The following SPIRE1 variants were observed in gnomAD, a reference collection of about 807,000 sequenced individuals.
SPIRE1 encodes the protein spire type actin nucleation factor 1, also known as protein spire homolog 1.
In SPIRE1, 40 loss-of-function variants were observed where a neutral mutation model predicts 94.1. The observed-to-expected ratio is 0.43, with a 90% CI of 0.33 to 0.55. SPIRE1 has a LOEUF of 0.55. SPIRE1 is among the 20% of genes least tolerant of loss of function. SPIRE1 has a pLI of 0.06. For missense variants in SPIRE1, 838 were observed against 975.2 expected (o/e 0.86, Z 1.87); for synonymous variants, 376 against 371.7 (o/e 1.01, Z -0.13).
intron 12 of SPIRE1, among the ~76,000 whole-genome samples, chr18:12,462,452 A>T (rs1446884937): frequency 1.3e-5 from 2 of 152,230 alleles, no homozygotes; most frequent in African/African-American, 4.8e-5. Flanking sequence ...GTGGCGCTAC[A>T]AAAGAGTCTT....
At chr18:12,500,180 T>G (rs1253115412) in intron 6 of SPIRE1, among the ~76,000 whole-genome samples, 1 of 152,166 alleles carries the variant, frequency 6.6e-6, no homozygotes, top group Non-Finnish European at 1.5e-5. Context: ...TCAGGTACAA[T>G]GTTCACTATT....
chr18:12,589,078 T>C (rs2036461920), intron 2 of SPIRE1, among the ~76,000 whole-genome samples: 1 of 152,238 alleles, frequency 6.6e-6, no homozygotes, highest in South Asian at 2.1e-4. Context: ...AGCTGACATC[T>C]ACTGAGCTTC....
intron 9 of SPIRE1, among the ~76,000 whole-genome samples, chr18:12,483,098 G>A (rs1460948735): frequency 2.6e-5 from 4 of 151,922 alleles, no homozygotes; most frequent in South Asian, 2.1e-4. Flanking sequence ...GCACCACCAC[G>A]CCTAGCTAAT....
At chr18:12,491,776 G>A (rs1174361816) in intron 8 of SPIRE1, among the ~76,000 whole-genome samples, 2 of 152,176 alleles carry the variant, frequency 1.3e-5, no homozygotes, top group African/African-American at 4.8e-5. Context: ...AAATCAATAT[G>A]GAATGGTGGA....
rs543486049 is a variant in SPIRE1 at position 12,645,905 on chromosome 18, G to A, written c.338-10809C>T. ...ACTCCGACTCCCACACACATCCTCC[G>A]CTCCAGGCACAGGGAACACCCACTA... On this transcript the variant is annotated intron_variant, in intron 1 of 16. Transcript: ENST00000409402. Among the ~76,000 whole-genome samples the A allele has an allele frequency of 5.3e-5, 8 of 151,976 alleles. No homozygotes were observed. The South Asian group carries it at 1.0e-3, about 20-fold the overall frequency.
chr18:12,618,894 TC>T (rs56395730), intron 2 of SPIRE1, among the ~76,000 whole-genome samples: 54,192 of 144,370 alleles, frequency 0.38, 10,973 homozygotes, highest in East Asian at 0.59. Flanking sequence ...ACAATTTTTT[TC>T]CCCCCCAAGA....
chr18:12,580,289 T>C, intron 2 of SPIRE1, among the ~76,000 whole-genome samples: 1 of 152,106 alleles, frequency 6.6e-6, no homozygotes, highest in East Asian at 1.9e-4. Flanking sequence ...AGGTTTGAAA[T>C]AGTATCCCAA....
At chr18:12,525,985 A>G (rs187886852) in intron 4 of SPIRE1, among the ~76,000 whole-genome samples, 2 of 151,014 alleles carry the variant, frequency 1.3e-5, no homozygotes, top group African/African-American at 2.4e-5. Context: ...CTGGAACACA[A>G]AGGTTTCCAG....
chr18:12,599,891 G>A (rs1403204782), intron 2 of SPIRE1, among the ~76,000 whole-genome samples: 1 of 152,044 alleles, frequency 6.6e-6, no homozygotes, highest in Non-Finnish European at 1.5e-5. Flanking sequence ...CCTGTGAAGT[G>A]CTTCTAACTG....
intron 2 of SPIRE1, among the ~76,000 whole-genome samples, chr18:12,612,679 G>A (rs927576107): frequency 2.0e-5 from 3 of 152,136 alleles, no homozygotes; most frequent in Admixed American, 1.3e-4. Flanking sequence ...CACTTCTTTT[G>A]TGATCTGCTA....
chr18:12,606,257 G>T (rs2036972598), intron 2 of SPIRE1, among the ~76,000 whole-genome samples: 1 of 151,882 alleles, frequency 6.6e-6, no homozygotes, highest in African/African-American at 2.4e-5. Context: ...GCAAGCAGAG[G>T]TTTTGTCACT....
chr18:12,635,063 T>G lies in SPIRE1; in HGVS notation c.371A>C (p.Glu124Ala), dbSNP rs895986706. ...KLGYSQCMET[E>A]VIESLGIIIY... ...GAAATATTTGAGTATTTCACTTACC[T>G]CTGTTTCCATACATTGTGAATATCC... Residue 124 changes from glutamate (E) to alanine (A), a missense_variant and splice_region_variant, in exon 2 of 17, where the codon GAG becomes GCG. By Grantham distance (107) the Glu-to-Ala change is moderately radical. Around this residue, in one of 2 missense-constraint regions of SPIRE1, gnomAD observed 645 missense variants for 804.7 expected, o/e 0.80. Transcript: ENST00000409402. 5 of 1,454,924 alleles carry G rather than the reference T, an allele frequency of 3.4e-6. No individual in the cohort carries two copies. The highest frequency in any genetic ancestry group is 2.0e-5 in the Admixed American group (1 of 49,688). 90.1% of individuals were successfully genotyped at this position (1,454,924 alleles called of 1,614,324 possible).
At chr18:12,562,679 T>TA (rs1163098270) in intron 2 of SPIRE1, among the ~76,000 whole-genome samples, 1 of 123,238 alleles carries the variant, frequency 8.1e-6, no homozygotes, top group Non-Finnish European at 1.6e-5. Flanking sequence ...GGCTAGTTTT[T>TA]AAAAAAATTT....
At chr18:12,648,144 TA>T (rs1184007864) in intron 1 of SPIRE1, among the ~76,000 whole-genome samples, 2 of 152,154 alleles carry the variant, frequency 1.3e-5, no homozygotes, top group Non-Finnish European at 2.9e-5. Flanking sequence ...GAATTCAAAA[TA>T]ACTCTAAGAA....
At chr18:12,623,248 G>A (rs2037526265) in intron 2 of SPIRE1, among the ~76,000 whole-genome samples, 1 of 151,926 alleles carries the variant, frequency 6.6e-6, no homozygotes. Context: ...CCACCTCCTA[G>A]GTTCATGCCA....
intron 4 of SPIRE1, among the ~76,000 whole-genome samples, chr18:12,519,105 A>C (rs2034284716): frequency 6.6e-6 from 1 of 152,218 alleles, no homozygotes; most frequent in Non-Finnish European, 1.5e-5. Context: ...GTGGCCAAGT[A>C]ACAACTATAG....
intron 10 of SPIRE1, among the ~76,000 whole-genome samples, chr18:12,469,682 A>T (rs933787222): frequency 2.0e-4 from 29 of 143,986 alleles, no homozygotes; most frequent in East Asian, 1.2e-3. Context: ...ATTATATATA[A>T]CATATATAAT....
intron 5 of SPIRE1, among the ~76,000 whole-genome samples, chr18:12,506,943 C>A (rs777762231): frequency 6.6e-6 from 1 of 152,128 alleles, no homozygotes; most frequent in Non-Finnish European, 1.5e-5. Flanking sequence ...ACTCTGCTCA[C>A]TAAAGGGGAT....
chr18:12,594,096 A>T (rs2036608158), intron 2 of SPIRE1, among the ~76,000 whole-genome samples: 1 of 152,238 alleles, frequency 6.6e-6, no homozygotes, highest in Non-Finnish European at 1.5e-5. Flanking sequence ...AAGAAGAAAA[A>T]ATAAGCCCAG....
Sources: gnomAD v4.1 joint callset for allele counts (sites outside exome capture counted in the v4.1 genomes callset) on GRCh38, gnomAD v4.1.1 for gene constraint, gnomAD v4.1.1 regional missense constraint, MANE v1.5 for transcripts, NCBI Gene and HGNC (gene_info 2026-07-23, HGNC 2026-07-21) for gene names.